Variants in DIPK1C observed in about 807,000 individuals in gnomAD.
The protein encoded by DIPK1C is divergent protein kinase domain 1C.
In DIPK1C, 33 loss-of-function variants were observed where a neutral mutation model predicts 28.0. That is an observed-to-expected ratio of 1.18 (90% CI 0.89 to 1.58). The LOEUF (loss-of-function observed/expected upper bound fraction) is 1.58. Ranked by LOEUF, DIPK1C falls within the 40% of genes most tolerant of loss-of-function variation. DIPK1C has a pLI of 0.00. For synonymous variants in DIPK1C, 255 were observed against 248.8 expected (o/e 1.02, Z -0.23); for missense variants, 569 against 568.5 (o/e 1.00, Z -0.01).
rs1309131842 is a variant in DIPK1C, at chr18:74,435,175, A to G, written c.*1326T>C. ...GAATGTGTCAGTTTGTGACTTTCAC[A>G]ACGTCCGATTAATTTGTCTTCTTTA... On this transcript the variant is annotated 3_prime_UTR_variant, in exon 4 of 4. Transcript: ENST00000343998. 1 of 152,248 alleles carries G rather than the reference A, an allele frequency of 6.6e-6. No homozygotes were observed. Among genetic ancestry groups the G allele is most frequent in the Non-Finnish European group, 1.5e-5 (1 of 68,040 alleles). The allele number at this position is 152,248 out of a possible 1,614,324, so 9.4% of individuals were successfully genotyped here.
chr18:74,453,438 A>G (rs2144529767), intron 1 of DIPK1C, among the ~76,000 whole-genome samples: 2 of 152,298 alleles, frequency 1.3e-5, no homozygotes, highest in Non-Finnish European at 2.9e-5. Context: ...AGGCAGAACC[A>G]TTCGCTGCTG....
At chr18:74,451,362 G>T (rs1468391384) in intron 1 of DIPK1C, among the ~76,000 whole-genome samples, 3 of 152,070 alleles carry the variant, frequency 2.0e-5, no homozygotes, top group Admixed American at 6.6e-5. Flanking sequence ...ATCAACCTTT[G>T]CCCGGAAGCC....
chr18:74,448,809 T>C (rs1199032902), intron 1 of DIPK1C, among the ~76,000 whole-genome samples: 1 of 152,094 alleles, frequency 6.6e-6, no homozygotes, highest in East Asian at 1.9e-4. Flanking sequence ...TCTAGATGTA[T>C]AAATAATTCC....
chr18:74,460,790 GCATTCATT>G (rs962629729), upstream of DIPK1C, among the ~76,000 whole-genome samples: 1 of 152,164 alleles, frequency 6.6e-6, no homozygotes, highest in Non-Finnish European at 1.5e-5. Flanking sequence ...ATTCATTCAT[GCATTCATT>G]CATTCATTCA....
chr18:74,451,247 G>A (rs144054273), intron 1 of DIPK1C, among the ~76,000 whole-genome samples: 30 of 152,292 alleles, frequency 2.0e-4, no homozygotes, highest in African/African-American at 6.7e-4. Flanking sequence ...GGGAGGAGAG[G>A]GCACAGTTGA....
At chr18:74,456,372 C>A (rs1986511789) in intron 1 of DIPK1C, among the ~76,000 whole-genome samples, 2 of 152,248 alleles carry the variant, frequency 1.3e-5, no homozygotes, top group Non-Finnish European at 2.9e-5. Context: ...CTGCTGGGTG[C>A]GAGCTTTCGG....
intron 1 of DIPK1C, 69 bp downstream of exon 1, chr18:74,456,993 G>A (rs1018147707): frequency 7.5e-7 from 1 of 1,332,918 alleles, no homozygotes; most frequent in Non-Finnish European, 9.6e-7. Context: ...GGAAGGCTGG[G>A]GACCGGGAGC....
At chr18:74,438,307 CATA>C (rs1986043802) in intron 3 of DIPK1C, among the ~76,000 whole-genome samples, 1 of 152,214 alleles carries the variant, frequency 6.6e-6, no homozygotes, top group Admixed American at 6.5e-5. Flanking sequence ...CTTGAGGTTG[CATA>C]ATAACTTTTG....
intron 1 of DIPK1C, among the ~76,000 whole-genome samples, chr18:74,455,209 C>T (rs1212581165): frequency 6.6e-6 from 1 of 152,134 alleles, no homozygotes; most frequent in Non-Finnish European, 1.5e-5. Context: ...TCATGATTAG[C>T]AATTACTTAA....
chr18:74,448,880 G>A (rs1400093228), intron 1 of DIPK1C, among the ~76,000 whole-genome samples: 5 of 152,078 alleles, frequency 3.3e-5, no homozygotes, highest in African/African-American at 4.8e-5. Context: ...AGGCCGAGGC[G>A]GGCAGATCAC....
chr18:74,442,588 C>T (rs1288009964), intron 2 of DIPK1C, among the ~76,000 whole-genome samples: 1 of 152,204 alleles, frequency 6.6e-6, no homozygotes, highest in Non-Finnish European at 1.5e-5. Context: ...CTCGGCCTCC[C>T]AAAGTGCTGG....
chr18:74,458,622 A>ATCAACAGCAGGGTTTGGGTGTCACTCAG (rs1483619313), upstream of DIPK1C, among the ~76,000 whole-genome samples: 9 of 152,116 alleles, frequency 5.9e-5, no homozygotes, highest in African/African-American at 1.9e-4. Context: ...GTGTCACTCA[A>ATCAACAGCAGGGTTTGGGTGTCACTCAG]TCAACAGCAG....
chr18:74,443,203 A>C (rs1986183307), intron 2 of DIPK1C, among the ~76,000 whole-genome samples: 2 of 152,216 alleles, frequency 1.3e-5, no homozygotes, highest in Non-Finnish European at 2.9e-5. Flanking sequence ...CCAGAGAGAG[A>C]ATAACTTCTA....
At chr18:74,457,579 CCTCT>C (rs1223858840), upstream of DIPK1C, among the ~76,000 whole-genome samples, 1 of 152,268 alleles carries the variant, frequency 6.6e-6, no homozygotes, top group Admixed American at 6.5e-5. Flanking sequence ...GATTCAATCG[CCTCT>C]CTCTTTGGGG....
upstream of DIPK1C, chr18:74,457,723 G>GCCCC (rs1346986498): frequency 4.6e-5 from 2 of 43,418 alleles, no homozygotes; most frequent in African/African-American, 2.6e-4. Flanking sequence ...CTGCAGCGTT[G>GCCCC]TCCCCCCCCG....
chr18:74,441,850 A>G (rs1240688338), intron 3 of DIPK1C, 102 bp downstream of exon 3: 2 of 1,297,968 alleles, frequency 1.5e-6, no homozygotes, highest in Non-Finnish European at 2.1e-6. Flanking sequence ...GGATGGCCTG[A>G]AAAGGTCGAC....
chr18:74,444,151 C>G (rs1986207915), intron 2 of DIPK1C, among the ~76,000 whole-genome samples: 1 of 152,116 alleles, frequency 6.6e-6, no homozygotes, highest in African/African-American at 2.4e-5. Context: ...CTTCAGACTT[C>G]CTCCTGGCAT....
intron 3 of DIPK1C, among the ~76,000 whole-genome samples, chr18:74,439,969 G>T (rs1986082719): frequency 6.9e-6 from 1 of 144,980 alleles, no homozygotes; most frequent in Non-Finnish European, 1.5e-5. Flanking sequence ...TTTTGAGACG[G>T]AGTCTCGCTC....
chr18:74,437,584 C>T (rs1034277779), intron 3 of DIPK1C, among the ~76,000 whole-genome samples: 1 of 152,218 alleles, frequency 6.6e-6, no homozygotes, highest in African/African-American at 2.4e-5. Flanking sequence ...AGAGCTACTG[C>T]TTCATAGAGG....
Sources: gnomAD v4.1 joint callset for allele counts (sites outside exome capture counted in the v4.1 genomes callset) on GRCh38, gnomAD v4.1.1 for gene constraint, MANE v1.5 for transcripts, NCBI Gene and HGNC (gene_info 2026-07-23, HGNC 2026-07-21) for gene names.